Variants in DOCK4 observed in about 807,000 individuals in gnomAD.
The protein encoded by DOCK4 is dedicator of cytokinesis protein 4.
DOCK4 carries 97 observed loss-of-function variants against 268.1 expected under a neutral mutation model. The ratio of observed to expected loss-of-function variants is 0.36; its 90% CI spans 0.31 to 0.43. The LOEUF (loss-of-function observed/expected upper bound fraction) is 0.43, where lower values mean the gene tolerates loss of function less well. Ranked by LOEUF, DOCK4 falls within the 20% of genes least tolerant of loss-of-function variation. The probability of loss-of-function intolerance (pLI) is 1.00; values close to 1 mark genes in which losing one functional copy is unlikely to be tolerated. For synonymous variants in DOCK4, 954 were observed against 887.2 expected (o/e 1.08, Z -1.34); for missense variants, 2,145 against 2,455.7 (o/e 0.87, Z 2.67).
intron 1 of DOCK4, among the ~76,000 whole-genome samples, chr7:112,165,560 G>GCA (rs1554467819): frequency 6.3e-5 from 4 of 63,284 alleles, no homozygotes; most frequent in South Asian, 2.4e-3. Context: ...GTGTGTGTGT[G>GCA]CGTGTGTGTG....
chr7:111,784,199 A>C, intron 32 of DOCK4, 76 bp from the exon 33 acceptor site: 2 of 1,444,176 alleles, frequency 1.4e-6, no homozygotes, highest in Non-Finnish European at 1.9e-6. Context: ...CATGCATATA[A>C]TCATATTTTC....
chr7:111,981,115 T>G (rs774849051), intron 7 of DOCK4, among the ~76,000 whole-genome samples: 1 of 152,200 alleles, frequency 6.6e-6, no homozygotes, highest in Non-Finnish European at 1.5e-5. Flanking sequence ...TGCAAACACT[T>G]GTGTTTCAAA....
chr7:111,960,547 T>TG (rs1297241359), intron 8 of DOCK4, among the ~76,000 whole-genome samples: 1 of 114,116 alleles, frequency 8.8e-6, no homozygotes, highest in African/African-American at 3.9e-5. Context: ...TTTTTTTTTT[T>TG]GGTGATGAAA....
rs186470125 is a variant in DOCK4, at chr7:111,886,965, T to C, written c.1587+8647A>G. Among the ~76,000 whole-genome samples, 225 of 152,342 alleles carry C rather than the reference T, an allele frequency of 1.5e-3. 2 individuals carry two copies. The South Asian group carries it at 0.023, about 16-fold the overall frequency. ...CTGCTAAAAAAAAGTACGGGCATATTGAGGCAACTATACATAGTTAAGTAT... is the reference window on the plus strand; with the variant it reads ...CTGCTAAAAAAAAGTACGGGCATATCGAGGCAACTATACATAGTTAAGTAT... On this transcript the variant is annotated intron_variant, in intron 16 of 52. Transcript: ENST00000428084.
At chr7:111,781,660 G>A (rs1159041534) in intron 35 of DOCK4, among the ~76,000 whole-genome samples, 1 of 152,144 alleles carries the variant, frequency 6.6e-6, no homozygotes, top group East Asian at 1.9e-4. Flanking sequence ...GAGGCAGTGG[G>A]TGTGATAAAG....
intron 12 of DOCK4, among the ~76,000 whole-genome samples, chr7:111,931,004 G>C (rs368226289): frequency 3.3e-4 from 51 of 152,320 alleles, no homozygotes; most frequent in African/African-American, 1.2e-3. Flanking sequence ...GCCTCAGCTT[G>C]AGAGAGGCTA....
intron 1 of DOCK4, among the ~76,000 whole-genome samples, chr7:112,101,625 C>T (rs1176394766): frequency 6.6e-6 from 1 of 152,170 alleles, no homozygotes; most frequent in Non-Finnish European, 1.5e-5. Flanking sequence ...TATTTTTAAA[C>T]TCCATTACCT....
intron 1 of DOCK4, among the ~76,000 whole-genome samples, chr7:112,166,688 C>T (rs564661924): frequency 1.3e-5 from 2 of 152,138 alleles, no homozygotes; most frequent in Admixed American, 6.5e-5. Flanking sequence ...GGCCTGACCT[C>T]GTTGGGCTGT....
chr7:111,742,163 C>T lies in DOCK4; in HGVS notation c.4678-31G>A, dbSNP rs377581523. The T allele has an allele frequency of 3.7e-5, 57 of 1,538,662 alleles. No homozygotes were observed. In the African/African-American group the frequency reaches 6.7e-4, roughly 18 times the overall value. On this transcript the variant is annotated intron_variant, in intron 44 of 52. Coordinates refer to ENST00000428084, the MANE Select transcript of DOCK4 (RefSeq NM_001363540.2). ...TTCACAACATAAGGAAAAAACCTCA[C>T]ATCAATGACTACCTCTCACTAAGTG...
At chr7:112,099,392 A>T (rs1361495164) in intron 1 of DOCK4, among the ~76,000 whole-genome samples, 1 of 151,988 alleles carries the variant, frequency 6.6e-6, no homozygotes, top group African/African-American at 2.4e-5. Context: ...CACCACACAC[A>T]TGCGTCTCTT....
chr7:112,021,773 A>G (rs1802338779), intron 1 of DOCK4, among the ~76,000 whole-genome samples: 1 of 152,116 alleles, frequency 6.6e-6, no homozygotes, highest in African/African-American at 2.4e-5. Flanking sequence ...ACAGCTGTCA[A>G]ACACAACTAT....
At chr7:112,062,526 T>C (rs961813964) in intron 1 of DOCK4, among the ~76,000 whole-genome samples, 1 of 152,220 alleles carries the variant, frequency 6.6e-6, no homozygotes. Flanking sequence ...CATCAAGATG[T>C]GCTAATATAT....
chr7:111,964,508 A>C (rs1462982368), intron 8 of DOCK4, among the ~76,000 whole-genome samples: 1 of 111,220 alleles, frequency 9.0e-6, no homozygotes. Context: ...TTAGAGAAAA[A>C]AGAATAAAAA....
At chr7:112,052,816 C>T (rs868247966) in intron 1 of DOCK4, among the ~76,000 whole-genome samples, 4 of 152,090 alleles carry the variant, frequency 2.6e-5, no homozygotes, top group Non-Finnish European at 5.9e-5. Flanking sequence ...ACTCTTAATT[C>T]TCCTCTCAAC....
intron 29 of DOCK4, 98 bp downstream of exon 29, chr7:111,809,203 T>C: frequency 1.0e-6 from 1 of 1,002,110 alleles, no homozygotes; most frequent in South Asian, 1.5e-5. Flanking sequence ...TTCTTCACTG[T>C]GTGATTTCCA....
intron 30 of DOCK4, among the ~76,000 whole-genome samples, chr7:111,797,485 G>A (rs1440737235): frequency 1.3e-5 from 2 of 152,070 alleles, no homozygotes; most frequent in African/African-American, 2.4e-5. Context: ...GACCCTAATG[G>A]CAGCTAAAAA....
At chr7:112,038,189 G>C (rs1397563703) in intron 1 of DOCK4, among the ~76,000 whole-genome samples, 1 of 152,114 alleles carries the variant, frequency 6.6e-6, no homozygotes, top group Non-Finnish European at 1.5e-5. Context: ...AGTAAGATTT[G>C]GAGGTGCTTT....
intron 23 of DOCK4, among the ~76,000 whole-genome samples, chr7:111,859,625 T>C (rs1805321621): frequency 7.0e-6 from 1 of 143,208 alleles, no homozygotes; most frequent in South Asian, 2.2e-4. Context: ...TGGAGTGCAG[T>C]GGCGGGATCT....
intron 1 of DOCK4, among the ~76,000 whole-genome samples, chr7:112,075,156 T>C (rs1383224659): frequency 7.2e-5 from 11 of 152,192 alleles, no homozygotes; most frequent in Admixed American, 6.5e-4. Flanking sequence ...AATATAACAG[T>C]GGGGTCAGGG....
Sources: gnomAD v4.1 joint callset for allele counts (sites outside exome capture counted in the v4.1 genomes callset) on GRCh38, gnomAD v4.1.1 for gene constraint, MANE v1.5 for transcripts, NCBI Gene and HGNC (gene_info 2026-07-23, HGNC 2026-07-21) for gene names.